Variants in WDPCP observed in about 807,000 individuals in gnomAD.
WDPCP encodes the protein WD repeat-containing and planar cell polarity effector protein fritz homolog.
WDPCP carries 71 observed loss-of-function variants against 93.1 expected under a neutral mutation model. The ratio of observed to expected loss-of-function variants is 0.76; its 90% CI spans 0.63 to 0.93. The LOEUF is 0.93. WDPCP is among the 40% of genes least tolerant of loss of function. The pLI, the probability that WDPCP is intolerant of heterozygous loss-of-function variation, is 0.00. For missense variants in WDPCP, 844 were observed against 887.4 expected (o/e 0.95, Z 0.62); for synonymous variants, 315 against 315.0 (o/e 1.00, Z 0.00).
chr2:63,405,280 G>A (rs910784398), intron 9 of WDPCP, among the ~76,000 whole-genome samples: 1 of 152,060 alleles, frequency 6.6e-6, no homozygotes, highest in Non-Finnish European at 1.5e-5. Flanking sequence ...AAGTAGACAA[G>A]TGACCAATAG....
chr2:63,538,131 T>C (rs1199061956), intron 1 of WDPCP, among the ~76,000 whole-genome samples: 3 of 152,118 alleles, frequency 2.0e-5, no homozygotes, highest in African/African-American at 4.8e-5. Context: ...AAAAGTATAC[T>C]TATAATGTTG....
At chr2:63,723,315 C>CT (rs1669454295) in intron 2 of WDPCP, among the ~76,000 whole-genome samples, 1 of 151,642 alleles carries the variant, frequency 6.6e-6, no homozygotes, top group Non-Finnish European at 1.5e-5. Flanking sequence ...AGAATGCTCC[C>CT]TTTTTCTCAC....
chr2:63,440,295 G>A (rs1204108883), intron 6 of WDPCP: 2 of 157,314 alleles, frequency 1.3e-5, no homozygotes, highest in Non-Finnish European at 2.8e-5. Flanking sequence ...TAGAAGAGAT[G>A]CCACTATTAC....
At chr2:63,522,455 G>GACACACACACACAC (rs112008719) in intron 1 of WDPCP, among the ~76,000 whole-genome samples, 149 of 127,232 alleles carry the variant, frequency 1.2e-3, no homozygotes, top group East Asian at 2.2e-3. Flanking sequence ...CAGACAGACA[G>GACACACACACACAC]ACACACACAC....
At chr2:63,759,091 G>A (rs572740271) in intron 2 of WDPCP, among the ~76,000 whole-genome samples, 1 of 151,926 alleles carries the variant, frequency 6.6e-6, no homozygotes, top group African/African-American at 2.4e-5. Context: ...AAAAAAAAAA[G>A]CTCCAGATTC....
intron 9 of WDPCP, among the ~76,000 whole-genome samples, chr2:63,426,061 C>T (rs1003203495): frequency 3.3e-5 from 5 of 152,130 alleles, no homozygotes; most frequent in South Asian, 2.1e-4. Context: ...AAGAGGAGGC[C>T]GGGCATGGTG....
At chr2:63,406,776 G>A (rs1397085235) in intron 9 of WDPCP, among the ~76,000 whole-genome samples, 1 of 152,156 alleles carries the variant, frequency 6.6e-6, no homozygotes, top group Non-Finnish European at 1.5e-5. Flanking sequence ...CTGTGTCTCT[G>A]TGTACTCATT....
chr2:63,621,601 T>A (rs374484137), intron 3 of WDPCP, among the ~76,000 whole-genome samples: 43 of 152,268 alleles, frequency 2.8e-4, no homozygotes, highest in African/African-American at 8.9e-4. Context: ...AAAACACTCT[T>A]CAGGATATTA....
At chr2:63,638,281 A>T (rs1173136127) in intron 3 of WDPCP, among the ~76,000 whole-genome samples, 1 of 152,028 alleles carries the variant, frequency 6.6e-6, no homozygotes, top group Admixed American at 6.5e-5. Flanking sequence ...TTGCTATGAG[A>T]GTACATCTTA....
At chr2:63,563,255 C>T (rs1411467395) in intron 1 of WDPCP, among the ~76,000 whole-genome samples, 1 of 151,980 alleles carries the variant, frequency 6.6e-6, no homozygotes. Context: ...ATCTCTTCTA[C>T]TACTAATTCA....
intron 13 of WDPCP, among the ~76,000 whole-genome samples, chr2:63,263,300 CTTAA>C (rs1211198059): frequency 6.6e-6 from 1 of 152,196 alleles, no homozygotes; most frequent in African/African-American, 2.4e-5. Context: ...CATGTTGAAA[CTTAA>C]TTGCCAATGC....
chr2:63,752,256 A>C, intron 2 of WDPCP: 1 of 791,726 alleles, frequency 1.3e-6, no homozygotes, highest in Non-Finnish European at 2.2e-6. Context: ...ATTTTTCCAT[A>C]CTGTTCAAAA....
chr2:63,834,530 T>C, the WDPCP span, among the ~76,000 whole-genome samples: 1 of 152,194 alleles, frequency 6.6e-6, no homozygotes, highest in Non-Finnish European at 1.5e-5. Flanking sequence ...CTGTGAAGCA[T>C]ATTGATTCTT....
intron 2 of WDPCP, among the ~76,000 whole-genome samples, chr2:63,709,963 T>C (rs921109277): frequency 1.3e-5 from 2 of 152,202 alleles, no homozygotes; most frequent in Non-Finnish European, 2.9e-5. Context: ...TGAATCTAAT[T>C]GTAGTATCCT....
chr2:63,409,590 T>A (rs548222936), intron 9 of WDPCP, among the ~76,000 whole-genome samples: 1 of 152,164 alleles, frequency 6.6e-6, no homozygotes, highest in African/African-American at 2.4e-5. Context: ...AAGTTAGTTA[T>A]TCAGCTAATC....
At chr2:63,153,394 CAG>C in intron 16 of WDPCP, 99 bp downstream of exon 16, 1 of 893,180 alleles carries the variant, frequency 1.1e-6, no homozygotes. Context: ...TAGAAATGCT[CAG>C]AGTTTTCTTA....
At chr2:63,384,657 G>C (rs539417784) in intron 10 of WDPCP, among the ~76,000 whole-genome samples, 2 of 151,920 alleles carry the variant, frequency 1.3e-5, no homozygotes, top group African/African-American at 4.8e-5. Flanking sequence ...AGGCTAAGGC[G>C]GGAGGACTGC....
At chr2:63,181,484 T>G (rs1172296681) in intron 14 of WDPCP, among the ~76,000 whole-genome samples, 1 of 152,142 alleles carries the variant, frequency 6.6e-6, no homozygotes, top group Non-Finnish European at 1.5e-5. Flanking sequence ...GTTGACATTG[T>G]CAAAGATCAG....
the WDPCP span, among the ~76,000 whole-genome samples, chr2:63,840,463 T>C: frequency 8.7e-4 from 133 of 152,324 alleles, 1 homozygote; most frequent in East Asian, 0.025. Flanking sequence ...TGGTGGTGGT[T>C]CCGGTGAGGG....
Sources: gnomAD v4.1 joint callset for allele counts (sites outside exome capture counted in the v4.1 genomes callset) on GRCh38, gnomAD v4.1.1 for gene constraint, MANE v1.5 for transcripts, NCBI Gene and HGNC (gene_info 2026-07-23, HGNC 2026-07-21) for gene names.